The following RNF4 variants were observed in gnomAD, a reference collection of about 807,000 sequenced individuals.
RNF4 encodes the protein ring finger protein 4.
Under a neutral mutation model 24.3 loss-of-function variants are expected in RNF4, and 7 were observed. The ratio of observed to expected loss-of-function variants is 0.29; its 90% CI spans 0.16 to 0.54. The LOEUF is 0.54. RNF4 is among the 20% of genes least tolerant of loss of function. The pLI, the probability that RNF4 is intolerant of heterozygous loss-of-function variation, is 0.95. For synonymous variants in RNF4, 83 were observed against 84.3 expected (o/e 0.98, Z 0.09); for missense variants, 209 against 248.5 (o/e 0.84, Z 1.07).
chr4:2,498,894 T>A (rs1388167778), intron 3 of RNF4, among the ~76,000 whole-genome samples: 2 of 142,126 alleles, frequency 1.4e-5, no homozygotes, highest in African/African-American at 5.3e-5. Flanking sequence ...ACCTAAAAAA[T>A]AAATAAAAGA....
chr4:2,502,418 G>C (rs1007541423), intron 4 of RNF4, among the ~76,000 whole-genome samples: 24 of 152,064 alleles, frequency 1.6e-4, no homozygotes, highest in Admixed American at 1.6e-3. Flanking sequence ...GGGCGCGGTG[G>C]CTCACGCCTG....
At chr4:2,500,802 C>T (rs770378073) in intron 4 of RNF4, 64 bp downstream of exon 4, 1 of 1,493,472 alleles carries the variant, frequency 6.7e-7, no homozygotes, top group Non-Finnish European at 9.3e-7. Context: ...GTGCCAGCAT[C>T]TGACAGCCTT....
chr4:2,497,374 C>G (rs1735770705), intron 3 of RNF4: 1 of 288,248 alleles, frequency 3.5e-6, no homozygotes, highest in Non-Finnish European at 6.5e-6. Flanking sequence ...GATAGCCCAC[C>G]TTTTCTATCT....
chr4:2,470,909 G>A (rs1449758388), intron 1 of RNF4: 1 of 149,770 alleles, frequency 6.7e-6, no homozygotes, highest in Non-Finnish European at 1.5e-5. Context: ...CCAACAGCAT[G>A]TGCTCACTTT....
At chr4:2,503,772 A>C (rs1735986246) in intron 4 of RNF4, among the ~76,000 whole-genome samples, 1 of 152,274 alleles carries the variant, frequency 6.6e-6, no homozygotes, top group East Asian at 1.9e-4. Flanking sequence ...GGAGAGTATA[A>C]AATGGATAAA....
At chr4:2,491,030 T>A (rs1324738566) in intron 2 of RNF4, among the ~76,000 whole-genome samples, 2 of 152,134 alleles carry the variant, frequency 1.3e-5, no homozygotes, top group Non-Finnish European at 2.9e-5. Flanking sequence ...CAAGGCTAGC[T>A]ATGATCACAC....
intron 4 of RNF4, among the ~76,000 whole-genome samples, chr4:2,507,412 C>T (rs1027393106): frequency 6.6e-5 from 10 of 152,182 alleles, no homozygotes; most frequent in African/African-American, 1.9e-4. Flanking sequence ...CCAGTCTTCC[C>T]GACTTTCCTG....
At chr4:2,499,053 C>T (rs1442621350) in intron 3 of RNF4, among the ~76,000 whole-genome samples, 2 of 151,862 alleles carry the variant, frequency 1.3e-5, no homozygotes, top group Non-Finnish European at 2.9e-5. Context: ...AAAAATTAGA[C>T]GGGCGTGGTG....
chr4:2,476,486 G>A (rs549604221), intron 1 of RNF4, among the ~76,000 whole-genome samples: 54 of 152,154 alleles, frequency 3.5e-4, no homozygotes, highest in African/African-American at 1.3e-3. Context: ...TCTGCCTCCC[G>A]GGTTCAAGCA....
chr4:2,496,279 G>C (rs1483569607), intron 2 of RNF4, among the ~76,000 whole-genome samples: 1 of 152,182 alleles, frequency 6.6e-6, no homozygotes, highest in East Asian at 1.9e-4. Context: ...AAAACTCCAA[G>C]TTCTTTATGC....
intron 1 of RNF4, among the ~76,000 whole-genome samples, chr4:2,484,821 C>T (rs2108756689): frequency 6.6e-6 from 1 of 152,268 alleles, no homozygotes; most frequent in East Asian, 1.9e-4. Flanking sequence ...TTCTTCTCAC[C>T]TGGGCTACCC....
intron 4 of RNF4, among the ~76,000 whole-genome samples, chr4:2,502,992 A>ATGT (rs1310654072): frequency 6.6e-6 from 1 of 152,124 alleles, no homozygotes; most frequent in Non-Finnish European, 1.5e-5. Flanking sequence ...CTGAGACTAC[A>ATGT]GGTGCATGCC....
chr4:2,503,397 T>C (rs1578520372), intron 4 of RNF4, among the ~76,000 whole-genome samples: 1 of 152,034 alleles, frequency 6.6e-6, no homozygotes, highest in South Asian at 2.1e-4. Flanking sequence ...AGTGGATGGG[T>C]GGCCAGAGGG....
chr4:2,500,770 C>T (rs373800748), intron 4 of RNF4, 32 bp downstream of exon 4: 3 of 1,606,476 alleles, frequency 1.9e-6, no homozygotes, highest in Non-Finnish European at 1.7e-6. Flanking sequence ...TCGGCTGTTT[C>T]TTGGGTATGG....
chr4:2,484,877 CT>C (rs1735359397), intron 1 of RNF4, among the ~76,000 whole-genome samples: 2 of 152,136 alleles, frequency 1.3e-5, no homozygotes, highest in Non-Finnish European at 2.9e-5. Context: ...AGTCTCCCAT[CT>C]GTTCTCACCA....
chr4:2,473,613 C>G (rs942486922), intron 1 of RNF4, among the ~76,000 whole-genome samples: 4 of 147,930 alleles, frequency 2.7e-5, no homozygotes, highest in Non-Finnish European at 6.1e-5. Context: ...GAGTTCACAA[C>G]CAGCCTGGCC....
chr4:2,496,873 T>TAAAA, intron 2 of RNF4, 134 bp from the exon 3 acceptor site: 1 of 608,928 alleles, frequency 1.6e-6, no homozygotes. Flanking sequence ...TCTCAAGTTT[T>TAAAA]GAAAGGAGCC....
intron 1 of RNF4, among the ~76,000 whole-genome samples, chr4:2,477,784 A>G (rs1426586937): frequency 3.9e-5 from 6 of 152,174 alleles, no homozygotes; most frequent in Non-Finnish European, 8.8e-5. Flanking sequence ...GTATGTCTTT[A>G]TTAGCATCGT....
Position 2,487,410 on chromosome 4 carries a change from T to A in RNF4, c.-157-2927T>A, listed in dbSNP as rs535614630. The stretch of plus-strand genomic sequence containing the variant: ...AAGTGATTCTTGTGCCTTAGCCTCC[T>A]ACGTAGCTGGGATTATAGGCGCACA... On this transcript the variant is annotated intron_variant, in intron 1 of 7. Transcript: ENST00000314289. Among the ~76,000 whole-genome samples the A allele has an allele frequency of 2.0e-5, 3 of 152,296 alleles. No individual in the cohort carries two copies. In the South Asian group the frequency reaches 6.2e-4, roughly 32 times the overall value.
Sources: gnomAD v4.1 joint callset for allele counts (sites outside exome capture counted in the v4.1 genomes callset) on GRCh38, gnomAD v4.1.1 for gene constraint, MANE v1.5 for transcripts, NCBI Gene and HGNC (gene_info 2026-07-23, HGNC 2026-07-21) for gene names.